Variants in RIN2 observed in about 807,000 individuals in gnomAD.
RIN2 encodes Ras and Rab interactor 2, also known as RAB5 interacting protein 2.
In RIN2, 36 loss-of-function variants were observed where a neutral mutation model predicts 78.0. That is an observed-to-expected ratio of 0.46 (90% confidence interval 0.35 to 0.61). RIN2 has a LOEUF of 0.61. Among genes scored for constraint, RIN2 ranks in the 20% least tolerant of loss-of-function variants. The pLI, the probability that RIN2 is intolerant of heterozygous loss-of-function variation, is 0.00. For synonymous variants in RIN2, 466 were observed against 466.8 expected, an observed-to-expected ratio of 1.00 and a Z score of 0.02; for missense variants, 1,087 against 1,159.7, an observed-to-expected ratio of 0.94 and a Z score of 0.91.
chr20:19,810,609 C>T (rs13041526), intron 2 of RIN2, among the ~76,000 whole-genome samples: 20,535 of 150,050 alleles, frequency 0.14, 1,822 homozygotes, highest in African/African-American at 0.25. Flanking sequence ...ATTGCTCTCT[C>T]GTTAGTTTAG....
At chr20:19,906,696 C>T (rs1261715907) in intron 3 of RIN2, among the ~76,000 whole-genome samples, 1 of 152,160 alleles carries the variant, frequency 6.6e-6, no homozygotes, top group Admixed American at 6.5e-5. Flanking sequence ...TTCTAATTTT[C>T]AAGAAGCTGG....
chr20:19,886,501 C>CGACCAGCT (rs2038196315), intron 2 of RIN2: 1 of 553,540 alleles, frequency 1.8e-6, no homozygotes, highest in Non-Finnish European at 3.2e-6. Flanking sequence ...CCGACCAACG[C>CGACCAGCT]GACCAGCTCC....
In RIN2 at chr20:20,000,940, A is replaced by G. The variant is rs1260448388; in HGVS notation, c.*4A>G. The stretch of plus-strand genomic sequence containing the variant: ...AGAAGACCTCACCACCTCCTAGAAG[A>G]CAGGCGGGACTTCCCAGTGGTGCAT... On this transcript the variant is annotated 3_prime_UTR_variant, in exon 13 of 13. Coordinates refer to ENST00000255006, the MANE Select transcript of RIN2 (RefSeq NM_018993.4). The G allele has an allele frequency of 2.5e-6, 4 of 1,603,172 alleles. No homozygotes were observed. The highest frequency in any genetic ancestry group is 2.6e-6 in the Non-Finnish European group (3 of 1,174,876).
intron 2 of RIN2, chr20:19,889,347 A>T (rs1366997360): frequency 2.4e-6 from 3 of 1,239,176 alleles, no homozygotes; most frequent in Non-Finnish European, 3.1e-6. Context: ...TCAGTGGCAG[A>T]GGTGGGAGGT....
intron 4 of RIN2, among the ~76,000 whole-genome samples, chr20:19,939,281 C>T (rs573777683): frequency 6.6e-6 from 1 of 152,306 alleles, no homozygotes; most frequent in African/African-American, 2.4e-5. Flanking sequence ...TTCCTGGCCT[C>T]AAGTGGTCCA....
chr20:19,881,396 A>T (rs2038023491), intron 2 of RIN2, among the ~76,000 whole-genome samples: 1 of 152,176 alleles, frequency 6.6e-6, no homozygotes, highest in African/African-American at 2.4e-5. Flanking sequence ...TGAAGGGGAA[A>T]GTTTGGAAAG....
At chr20:19,798,684 G>A (rs2035145728) in intron 1 of RIN2, among the ~76,000 whole-genome samples, 1 of 152,016 alleles carries the variant, frequency 6.6e-6, no homozygotes, top group Admixed American at 6.6e-5. Context: ...ATATTGGAAT[G>A]CACAGAAGCA....
intron 2 of RIN2, among the ~76,000 whole-genome samples, chr20:19,844,012 A>G (rs1240672436): frequency 1.3e-5 from 2 of 152,210 alleles, no homozygotes; most frequent in Non-Finnish European, 2.9e-5. Context: ...TAGAGTACAA[A>G]TACCTTCAGT....
intron 12 of RIN2, among the ~76,000 whole-genome samples, chr20:19,997,784 C>G (rs1002766811): frequency 4.6e-5 from 7 of 151,922 alleles, no homozygotes; most frequent in Admixed American, 2.6e-4. Flanking sequence ...AAATCCTTAC[C>G]CAACACAATT....
chr20:19,889,560 C>T lies in RIN2; in HGVS notation c.-36-6C>T. ...GACTAACCATTAAAAATGTCTCTACCTTCAGGAGTCCCCGGCGTGCAGTGG... is the reference window on the plus strand; with the variant it reads ...GACTAACCATTAAAAATGTCTCTACTTTCAGGAGTCCCCGGCGTGCAGTGG... On this transcript the variant is annotated splice_polypyrimidine_tract_variant and splice_region_variant and intron_variant, in intron 2 of 12. Transcript: ENST00000255006. 6.5e-7 allele frequency: 1 copy of T among 1,547,822 alleles called. No homozygotes were observed. Among genetic ancestry groups the T allele is most frequent in the South Asian group, 1.2e-5 (1 of 83,428 alleles).
chr20:19,922,164 C>T (rs953017140), intron 3 of RIN2, among the ~76,000 whole-genome samples: 4 of 152,190 alleles, frequency 2.6e-5, no homozygotes, highest in Non-Finnish European at 5.9e-5. Context: ...CTGCTCCCCG[C>T]CTGGGTCCGT....
intron 9 of RIN2, among the ~76,000 whole-genome samples, chr20:19,987,640 G>C (rs1225418141): frequency 6.6e-6 from 1 of 152,126 alleles, no homozygotes; most frequent in Admixed American, 6.5e-5. Context: ...GCCCATCTGA[G>C]CACTCAATAT....
chr20:19,849,491 A>G (rs547763261), intron 2 of RIN2, among the ~76,000 whole-genome samples: 2 of 152,270 alleles, frequency 1.3e-5, no homozygotes, highest in South Asian at 4.1e-4. Context: ...CTCAGCAGCA[A>G]AGTTGCAGAG....
intron 4 of RIN2, among the ~76,000 whole-genome samples, chr20:19,937,488 AT>A (rs1478240470): frequency 6.6e-6 from 1 of 152,174 alleles, no homozygotes; most frequent in Non-Finnish European, 1.5e-5. Context: ...CGAAATGTCT[AT>A]GGTTCCTTAG....
intron 2 of RIN2, among the ~76,000 whole-genome samples, chr20:19,840,105 T>G (rs548438676): frequency 2.0e-5 from 3 of 152,236 alleles, no homozygotes; most frequent in African/African-American, 7.2e-5. Flanking sequence ...TTCCCTACAA[T>G]GAGTAGTTAT....
intron 3 of RIN2, among the ~76,000 whole-genome samples, chr20:19,892,229 T>A (rs896942635): frequency 1.4e-4 from 21 of 152,330 alleles, no homozygotes; most frequent in Non-Finnish European, 2.6e-4. Context: ...TTAATTAATT[T>A]ATTTTGAGAC....
intron 4 of RIN2, among the ~76,000 whole-genome samples, chr20:19,944,490 G>A (rs868685531): frequency 6.6e-6 from 1 of 152,156 alleles, no homozygotes; most frequent in Non-Finnish European, 1.5e-5. Context: ...TTCATAAGAT[G>A]ACCCCTGCAT....
Position 19,995,717 on chromosome 20 carries a change from G to T in RIN2, c.2201-962G>T, listed in dbSNP as rs560705663. ...GGGTAAGAAAGGGAATCAAGGGAGAGAAATTATTTTTGAAGTGTCCACATT... is the reference window on the plus strand; with the variant it reads ...GGGTAAGAAAGGGAATCAAGGGAGATAAATTATTTTTGAAGTGTCCACATT... On this transcript the variant is annotated intron_variant, in intron 11 of 12. Coordinates refer to ENST00000255006, the MANE Select transcript of RIN2 (RefSeq NM_018993.4). Among the ~76,000 whole-genome samples, 37 of 152,266 alleles carry T rather than the reference G, an allele frequency of 2.4e-4. No individual in the cohort carries two copies. The South Asian group carries it at 7.3e-3, about 30-fold the overall frequency.
chr20:19,926,864 T>C (rs539533352), intron 3 of RIN2, among the ~76,000 whole-genome samples: 5 of 152,346 alleles, frequency 3.3e-5, no homozygotes, highest in African/African-American at 1.2e-4. Context: ...CTATAAGCAC[T>C]TTCTTATTTG....
Sources: allele counts gnomAD v4.1 joint callset (sites outside exome capture counted in the v4.1 genomes callset), GRCh38; gene constraint gnomAD v4.1.1; transcripts MANE v1.5; gene names NCBI Gene and HGNC (gene_info 2026-07-23, HGNC 2026-07-21).